Variants in CEP57L1 observed in about 807,000 individuals in gnomAD.
CEP57L1 encodes centrosomal protein 57 like 1, also known as centrosomal protein CEP57L1.
In CEP57L1, 37 loss-of-function variants were observed where a neutral mutation model predicts 61.0. The observed-to-expected ratio is 0.61, with a 90% CI of 0.47 to 0.80. The LOEUF (loss-of-function observed/expected upper bound fraction) is 0.80, where lower values mean the gene tolerates loss of function less well. CEP57L1 is among the 30% of genes least tolerant of loss of function. The pLI is 0.00. For synonymous variants in CEP57L1, 137 were observed against 162.3 expected, an observed-to-expected ratio of 0.84 and a Z score of 1.19; for missense variants, 422 against 524.7, an observed-to-expected ratio of 0.80 and a Z score of 1.91.
intron 4 of CEP57L1, among the ~76,000 whole-genome samples, chr6:109,152,156 T>G (rs941994555): frequency 6.6e-6 from 1 of 152,174 alleles, no homozygotes; most frequent in African/African-American, 2.4e-5. Context: ...TGTTTTTGGT[T>G]TTGTTTTAAT....
chr6:109,164,755 T>A lies in CEP57L1; in HGVS notation c.*1785T>A, dbSNP rs1450360351. ...TTAGTTATTAATAATTCATTACTTG[T>A]GAAAAGGTATTGCTTTAAAAATTAT... On this transcript the variant is annotated 3_prime_UTR_variant, in exon 11 of 11. Coordinates refer to ENST00000517392, the MANE Select transcript of CEP57L1 (RefSeq NM_001271852.3). 6.6e-6 allele frequency among the ~76,000 whole-genome samples: 1 copy of A among 152,076 alleles called. No homozygotes were observed. Among genetic ancestry groups the A allele is most frequent in the Non-Finnish European group, 1.5e-5 (1 of 68,026 alleles).
chr6:109,122,661 G>A (rs991069741), intron 1 of CEP57L1, among the ~76,000 whole-genome samples: 1 of 152,054 alleles, frequency 6.6e-6, no homozygotes, highest in Non-Finnish European at 1.5e-5. Flanking sequence ...AATTAGCCGG[G>A]CATGGTGGTG....
At chr6:109,113,819 A>T (rs992701319) in intron 1 of CEP57L1, among the ~76,000 whole-genome samples, 1 of 152,164 alleles carries the variant, frequency 6.6e-6, no homozygotes, top group Non-Finnish European at 1.5e-5. Flanking sequence ...CTGCCATGTT[A>T]AAAAGTCCAG....
At chr6:109,112,404 T>C (rs936878899) in intron 1 of CEP57L1, among the ~76,000 whole-genome samples, 17 of 152,318 alleles carry the variant, frequency 1.1e-4, no homozygotes, top group African/African-American at 4.1e-4. Flanking sequence ...TCTATTTGAT[T>C]CTTCTCTCTT....
intron 1 of CEP57L1, among the ~76,000 whole-genome samples, chr6:109,097,934 CAAG>C (rs1166947697): frequency 3.3e-5 from 5 of 152,088 alleles, no homozygotes; most frequent in Non-Finnish European, 2.9e-5. Flanking sequence ...TGAGAAATAG[CAAG>C]AAGGCTAGTG....
At chr6:109,115,359 CAAT>C (rs1772147525) in intron 1 of CEP57L1, among the ~76,000 whole-genome samples, 1 of 151,742 alleles carries the variant, frequency 6.6e-6, no homozygotes, top group African/African-American at 2.4e-5. Context: ...GTAGGGAAAA[CAAT>C]TCTAGTAGTT....
chr6:109,133,568 C>T (rs893876082), intron 1 of CEP57L1, among the ~76,000 whole-genome samples: 1 of 151,938 alleles, frequency 6.6e-6, no homozygotes, highest in Admixed American at 6.6e-5. Flanking sequence ...AAGATCAGAG[C>T]AGAACTGAAG....
Position 109,162,920 on chromosome 6 carries a change from C to T in CEP57L1, c.1333C>T (p.His445Tyr). The part of the protein sequence containing the change: ...KNSSFHPIRV[H>Y]NLQMKLRRDD... ...CAGCAGCTTTCATCCAATACGAGTT[C>T]ATAATCTTCAAATGAAATTGAGAAG... is the stretch of plus-strand genomic sequence containing the variant. The change falls in exon 11 of 11, where the codon CAT becomes TAT. Residue 445 changes from histidine (H) to tyrosine (Y), a missense_variant. Coordinates refer to ENST00000517392, the MANE Select transcript of CEP57L1 (RefSeq NM_001271852.3). 1 of 1,612,968 alleles carries T rather than the reference C, an allele frequency of 6.2e-7. No homozygotes were observed. Among genetic ancestry groups the T allele is most frequent in the Non-Finnish European group, 8.5e-7 (1 of 1,179,298 alleles).
intron 1 of CEP57L1, among the ~76,000 whole-genome samples, chr6:109,120,352 A>G (rs1772805816): frequency 6.6e-6 from 1 of 152,210 alleles, no homozygotes; most frequent in Non-Finnish European, 1.5e-5. Flanking sequence ...CTAGAATCTG[A>G]TGAACCTTTT....
chr6:109,126,035 A>C (rs1773523018), intron 1 of CEP57L1, among the ~76,000 whole-genome samples: 1 of 152,290 alleles, frequency 6.6e-6, no homozygotes, highest in Non-Finnish European at 1.5e-5. Flanking sequence ...CAACCATAAC[A>C]AACATTAGCA....
intron 1 of CEP57L1, among the ~76,000 whole-genome samples, chr6:109,142,598 G>GA (rs962037113): frequency 7.0e-6 from 1 of 141,854 alleles, no homozygotes; most frequent in African/African-American, 2.6e-5. Context: ...AATAAATAAA[G>GA]AAAAAATAAA....
Position 109,171,771 on chromosome 6 carries a change from T to G in CEP57L1, c.*8801T>G, listed in dbSNP as rs910178330. ...CCAAGTTTAGTTATTCTTTTCATGG[T>G]GGAAAACAGTTTCCTCAGATAATCA... On this transcript the variant is annotated 3_prime_UTR_variant, in exon 11 of 11. Coordinates refer to ENST00000517392, the MANE Select transcript of CEP57L1 (RefSeq NM_001271852.3). 1.3e-5 allele frequency among the ~76,000 whole-genome samples: 2 copies of G among 152,222 alleles called. No homozygotes were observed. The highest frequency in any genetic ancestry group is 4.8e-5 in the African/African-American group (2 of 41,464).
In CEP57L1 at chr6:109,099,516, A is replaced by G. The variant is rs975533381; in HGVS notation, c.-4+3941A>G. Among the ~76,000 whole-genome samples the G allele has an allele frequency of 3.9e-5, 6 of 152,252 alleles. 1 individual carries two copies. The South Asian group carries it at 1.2e-3, about 32-fold the overall frequency. Reference sequence around the variant, plus strand: ...TGGTGGAGTAAAGGGTACAAAAGCCAGATGGGTACTTTTATTTATTTATTT... The same window carrying G: ...TGGTGGAGTAAAGGGTACAAAAGCCGGATGGGTACTTTTATTTATTTATTT... On this transcript the variant is annotated intron_variant, in intron 1 of 10. Coordinates refer to ENST00000517392, the MANE Select transcript of CEP57L1 (RefSeq NM_001271852.3).
chr6:109,147,885 G>A (rs1421762767), intron 3 of CEP57L1, among the ~76,000 whole-genome samples: 1 of 152,134 alleles, frequency 6.6e-6, no homozygotes, highest in East Asian at 1.9e-4. Context: ...TTTCAGAAGT[G>A]TGCCCTCTGA....
At position 109,134,546 on chromosome 6, in the gene CEP57L1, T is replaced by C. The variant is rs534583498; in HGVS notation, c.-3-10673T>C. ...GTCACCACTCCTATTCAACATAGTA[T>C]TGGAAGTTCTGGCCAGGGCAATCAG... On this transcript the variant is annotated intron_variant, in intron 1 of 10. Transcript: ENST00000517392. Among the ~76,000 whole-genome samples the C allele has an allele frequency of 1.2e-4, 18 of 152,294 alleles. No individual in the cohort carries two copies. The East Asian group carries it at 3.3e-3, about 28-fold the overall frequency.
At chr6:109,121,230 T>C (rs1390425802) in intron 1 of CEP57L1, among the ~76,000 whole-genome samples, 1 of 152,196 alleles carries the variant, frequency 6.6e-6, no homozygotes, top group Non-Finnish European at 1.5e-5. Context: ...GTGTTTATTT[T>C]CATTCTGAAG....
At chr6:109,157,546 G>A (rs373166330) in intron 7 of CEP57L1, 2 of 152,180 alleles carry the variant, frequency 1.3e-5, no homozygotes, top group East Asian at 1.9e-4. Context: ...AAGCCTTGAA[G>A]AATTAAATAT....
chr6:109,161,046 C>T (rs1773675548), intron 10 of CEP57L1, among the ~76,000 whole-genome samples: 1 of 152,108 alleles, frequency 6.6e-6, no homozygotes, highest in African/African-American at 2.4e-5. Context: ...CGTTTTCCTT[C>T]TCTCCTCTAA....
chr6:109,133,452 C>T (rs1321194134), intron 1 of CEP57L1, among the ~76,000 whole-genome samples: 1 of 152,160 alleles, frequency 6.6e-6, no homozygotes, highest in Non-Finnish European at 1.5e-5. Context: ...CACTTACCTC[C>T]TGCTGGGCAC....
Sources: gnomAD v4.1 joint callset for allele counts (sites outside exome capture counted in the v4.1 genomes callset) on GRCh38, gnomAD v4.1.1 for gene constraint, MANE v1.5 for transcripts, NCBI Gene and HGNC (gene_info 2026-07-23, HGNC 2026-07-21) for gene names.